Variants in C6 observed in about 807,000 individuals in gnomAD.
The protein encoded by C6 is complement C6, also known as complement component C6.
Under a neutral mutation model 112.9 loss-of-function variants are expected in C6, and 101 were observed. The ratio of observed to expected loss-of-function variants is 0.89; its 90% CI spans 0.76 to 1.06. C6 has a LOEUF of 1.06. Among genes scored for constraint, C6 ranks in the 50% least tolerant of loss-of-function variants. The pLI is 0.00. For synonymous variants in C6, 431 were observed against 384.1 expected (o/e 1.12, Z -1.43); for missense variants, 1,202 against 1,104.6 (o/e 1.09, Z -1.25).
rs569325191 is a variant in C6, at chr5:41,184,944, CCTTT to C, written c.726+1122_726+1125del. On this transcript the variant is annotated intron_variant, in intron 6 of 17. Coordinates refer to ENST00000337836, the MANE Select transcript of C6 (RefSeq NM_000065.5). ...CAATTTGCTCCAGCCTCATATACTT[CCTTT>C]ATTTTGTTACTTGTAAAACTACATG... Among the ~76,000 whole-genome samples, 256 of 152,224 alleles carry C rather than the reference CCTTT, an allele frequency of 1.7e-3. 1 individual carries two copies. Among genetic ancestry groups the C allele is most frequent in the African/African-American group, 6.0e-3 (248 of 41,534 alleles).
Position 41,199,906 on chromosome 5 carries a change from CTT to C in C6, c.305_306del (p.Lys102SerfsTer2). On this transcript the variant is annotated frameshift_variant, in exon 4 of 18. Coordinates refer to ENST00000337836, the MANE Select transcript of C6 (RefSeq NM_000065.5). LOFTEE classifies it high-confidence loss of function. ...TGACTGGGACGCAAGACAGATCTAA[CTT>C]TAGACTGAAAGGAAAGAAGAGAAAG... ...DCDPCIEKQS[K>X]VRSVLRPSQF... is the part of the protein sequence containing the mutation. 3 of 1,613,536 alleles carry C rather than the reference CTT, an allele frequency of 1.9e-6. No homozygotes were observed. The South Asian group carries it at 3.3e-5, about 18-fold the overall frequency.
At chr5:41,178,135 TA>T (rs201780023) in intron 7 of C6, among the ~76,000 whole-genome samples, 1 of 152,146 alleles carries the variant, frequency 6.6e-6, no homozygotes, top group African/African-American at 2.4e-5. Context: ...TATTTTAGAT[TA>T]AAAAAATACA....
intron 9 of C6, among the ~76,000 whole-genome samples, chr5:41,171,584 A>G (rs943134617): frequency 1.3e-5 from 2 of 152,092 alleles, no homozygotes; most frequent in Non-Finnish European, 2.9e-5. Flanking sequence ...TGGGATAGAA[A>G]AGTGAAAGCC....
chr5:41,201,425 C>G, intron 3 of C6, 133 bp downstream of exon 3: 2 of 880,156 alleles, frequency 2.3e-6, no homozygotes, highest in South Asian at 3.0e-5. Context: ...ATGGAATTTT[C>G]CCTCAATGGA....
At chr5:41,253,308 T>C (rs144704478) in intron 1 of C6, among the ~76,000 whole-genome samples, 3 of 152,296 alleles carry the variant, frequency 2.0e-5, no homozygotes, top group African/African-American at 7.2e-5. Flanking sequence ...CTCAGGTGGT[T>C]TCCTCATACC....
At chr5:41,166,100 C>T (rs990381368) in intron 9 of C6, among the ~76,000 whole-genome samples, 3 of 152,040 alleles carry the variant, frequency 2.0e-5, no homozygotes, top group Non-Finnish European at 2.9e-5. Flanking sequence ...ATTTTAAAAG[C>T]TGAGAATTTC....
intron 1 of C6, among the ~76,000 whole-genome samples, chr5:41,207,417 A>G (rs1017848241): frequency 5.3e-5 from 8 of 152,338 alleles, no homozygotes; most frequent in African/African-American, 1.9e-4. Context: ...GCCCCAATTA[A>G]AAGACATAGA....
intron 1 of C6, among the ~76,000 whole-genome samples, chr5:41,255,837 C>A (rs62361641): frequency 0.062 from 9,447 of 152,214 alleles, 376 homozygotes; most frequent in Non-Finnish European, 0.09. Flanking sequence ...CTGTAAAGAG[C>A]TTATTTTTAT....
chr5:41,234,767 T>C (rs1195902808), intron 1 of C6, among the ~76,000 whole-genome samples: 1 of 152,156 alleles, frequency 6.6e-6, no homozygotes, highest in African/African-American at 2.4e-5. Flanking sequence ...ATCAGCTTTA[T>C]AATCATGAGA....
At chr5:41,241,550 A>C (rs1180981053) in intron 1 of C6, among the ~76,000 whole-genome samples, 1 of 152,234 alleles carries the variant, frequency 6.6e-6, no homozygotes, top group Non-Finnish European at 1.5e-5. Context: ...GACCACAAGC[A>C]GCATGGTTGG....
intron 4 of C6, among the ~76,000 whole-genome samples, chr5:41,196,673 A>C (rs572010829): frequency 2.0e-5 from 3 of 151,310 alleles, no homozygotes; most frequent in African/African-American, 4.8e-5. Context: ...CTATTTTACT[A>C]TATATAATTA....
chr5:41,240,825 G>A (rs1174491162), intron 1 of C6, among the ~76,000 whole-genome samples: 1 of 152,148 alleles, frequency 6.6e-6, no homozygotes, highest in Non-Finnish European at 1.5e-5. Flanking sequence ...AATACCAGGT[G>A]AGGTGGGCTT....
intron 1 of C6, among the ~76,000 whole-genome samples, chr5:41,204,659 C>CTTTTTTTT (rs56809256): frequency 7.5e-6 from 1 of 133,328 alleles, no homozygotes; most frequent in African/African-American, 2.9e-5. Flanking sequence ...AATCAGTAAG[C>CTTTTTTTT]TTTTTTTTTT....
At chr5:41,164,006 T>G (rs1747764358) in intron 9 of C6, among the ~76,000 whole-genome samples, 1 of 151,866 alleles carries the variant, frequency 6.6e-6, no homozygotes, top group Non-Finnish European at 1.5e-5. Context: ...AAATATCGTG[T>G]TAAGAACTCA....
At chr5:41,181,114 GA>G (rs1036870032) in intron 7 of C6, among the ~76,000 whole-genome samples, 18 of 151,158 alleles carry the variant, frequency 1.2e-4, no homozygotes, top group East Asian at 1.9e-4. Context: ...ACAACAATAT[GA>G]AAAAAAAGTG....
chr5:41,174,635 A>G (rs969962778), intron 8 of C6, among the ~76,000 whole-genome samples: 5 of 152,238 alleles, frequency 3.3e-5, no homozygotes, highest in African/African-American at 1.2e-4. Context: ...ATTGAACAAT[A>G]GAGAAATAAA....
chr5:41,176,593 G>A lies in C6; in HGVS notation c.1050C>T (p.Asn350=), dbSNP rs143323395. The change falls in exon 8 of 18, where the codon AAC becomes AAT. Residue 350 remains asparagine, a synonymous_variant. Coordinates refer to ENST00000337836, the MANE Select transcript of C6 (RefSeq NM_000065.5). ...KALNHLPLEY[N]SALYSRIFDD... ...CGAATATTCGGCTGTACAAAGCAGAGTTGTATTCTAGAGGCAGATGGTTAA... is the reference window on the plus strand; with the variant it reads ...CGAATATTCGGCTGTACAAAGCAGAATTGTATTCTAGAGGCAGATGGTTAA... 1 of 1,613,950 alleles carries A rather than the reference G, an allele frequency of 6.2e-7. No individual in the cohort carries two copies. The highest frequency in any genetic ancestry group is 2.2e-5 in the East Asian group (1 of 44,820).
In C6 at chr5:41,144,104, C is replaced by T. The variant is rs145737540; in HGVS notation, c.2624-1098G>A. ...TTAACTGTCTGTTTCCCCAACAAGA[C>T]CCCAAAAGTGCTCCAGTTTTTGTTC... On this transcript the variant is annotated intron_variant, in intron 17 of 17. Transcript: ENST00000337836. Among the ~76,000 whole-genome samples the T allele has an allele frequency of 9.9e-5, 15 of 152,242 alleles. No individual in the cohort carries two copies. In the East Asian group the frequency reaches 1.4e-3, roughly 14 times the overall value.
chr5:41,224,306 A>G (rs1236582337), intron 1 of C6, among the ~76,000 whole-genome samples: 2 of 152,118 alleles, frequency 1.3e-5, no homozygotes, highest in Non-Finnish European at 2.9e-5. Context: ...AGTCTTCAAT[A>G]TATTCACAGA....
Sources: allele counts gnomAD v4.1 joint callset (sites outside exome capture counted in the v4.1 genomes callset), GRCh38; gene constraint gnomAD v4.1.1; transcripts MANE v1.5; gene names NCBI Gene and HGNC (gene_info 2026-07-23, HGNC 2026-07-21).